Variants in RLIM observed in about 807,000 individuals in gnomAD.
RLIM encodes the protein E3 ubiquitin-protein ligase RLIM.
A neutral mutation model predicts 34.0 loss-of-function variants in RLIM; 2 were observed. The observed-to-expected ratio is 0.06, with a 90% CI of 0.02 to 0.19. The LOEUF (loss-of-function observed/expected upper bound fraction) is 0.19, where lower values mean the gene tolerates loss of function less well. Among genes scored for constraint, RLIM ranks in the 10% least tolerant of loss-of-function variants. The probability of loss-of-function intolerance (pLI) is 1.00; values close to 1 mark genes in which losing one functional copy is unlikely to be tolerated. For missense variants in RLIM, 286 were observed against 479.7 expected, an observed-to-expected ratio of 0.60 and a Z score of 3.77; for synonymous variants, 169 against 164.0, an observed-to-expected ratio of 1.03 and a Z score of -0.23.
At chrX:74,605,235 A>G (rs1173280889) in intron 1 of RLIM, among the ~76,000 whole-genome samples, 1 of 112,436 alleles carries the variant, frequency 8.9e-6, no homozygotes, top group African/African-American at 3.2e-5. Flanking sequence ...TCTTATTTTA[A>G]GCAGACCTTC....
chrX:74,590,678 A>G lies in RLIM; in HGVS notation c.*762T>C, dbSNP rs762957960. The G allele has an allele frequency of 7.1e-5, 8 of 113,037 alleles. No homozygotes were observed. In the Admixed American group the frequency reaches 7.5e-4, roughly 11 times the overall value. 9.3% of individuals were successfully genotyped at this position (113,037 alleles called of 1,213,427 possible). ...CAGTTTTCTCAGTTCTAAGCATGGT[A>G]CTTTACAATTTTTAATGCATTCATA... On this transcript the variant is annotated 3_prime_UTR_variant, in exon 4 of 4. Transcript: ENST00000332687.
intron 1 of RLIM, among the ~76,000 whole-genome samples, chrX:74,602,746 A>G (rs1442677368): frequency 9.0e-6 from 1 of 110,895 alleles, no homozygotes; most frequent in East Asian, 2.8e-4. Context: ...AGCAGACTAC[A>G]TGTAGAGTAA....
At chrX:74,606,770 A>C (rs1300225889) in intron 1 of RLIM, among the ~76,000 whole-genome samples, 2 of 111,753 alleles carry the variant, frequency 1.8e-5, no homozygotes, top group African/African-American at 6.5e-5. Context: ...CAGACCTTAC[A>C]AAACTAAATT....
chrX:74,591,773 A>G lies in RLIM; in HGVS notation c.1542T>C (p.His514=). ...TTTCATCAAATGTGACTGGGGCCCT[A>G]TGTCGACCCTCTCGCCTGGCACCTG... ...GSSGARREGR[H]RAPVTFDESG... Residue 514 remains histidine (H), a synonymous_variant, in exon 4 of 4, where the codon CAT becomes CAC. Coordinates refer to ENST00000332687, the MANE Select transcript of RLIM (RefSeq NM_016120.4). 1 of 1,211,578 alleles carries G rather than the reference A, an allele frequency of 8.3e-7. No homozygotes were observed. Among genetic ancestry groups the G allele is most frequent in the Non-Finnish European group, 1.1e-6 (1 of 895,470 alleles).
chrX:74,610,438 C>T (rs1219717452), intron 1 of RLIM, among the ~76,000 whole-genome samples: 1 of 94,526 alleles, frequency 1.1e-5, no homozygotes, highest in Non-Finnish European at 2.1e-5. Flanking sequence ...AAAAAACAAA[C>T]AAACAAACAA....
intron 1 of RLIM, among the ~76,000 whole-genome samples, chrX:74,604,223 T>C (rs1346804806): frequency 8.9e-6 from 1 of 111,840 alleles, no homozygotes; most frequent in Non-Finnish European, 1.9e-5. Context: ...TATCACAAGT[T>C]GGATGCTAAA....
In RLIM at chrX:74,583,547, C is replaced by A; in HGVS notation, c.*7893G>T. ...GACCCATTGTCTGTGTTGATGAATTCACCAAATTTTTATTCCAGTCTATTT... is the reference window on the plus strand; with the variant it reads ...GACCCATTGTCTGTGTTGATGAATTAACCAAATTTTTATTCCAGTCTATTT... On this transcript the variant is annotated 3_prime_UTR_variant, in exon 4 of 4. Transcript: ENST00000332687. The A allele has an allele frequency of 2.2e-5, 11 of 504,401 alleles. No homozygotes were observed. The highest frequency in any genetic ancestry group is 5.9e-5 in the Admixed American group (2 of 33,664). 41.6% of individuals were successfully genotyped at this position (504,401 alleles called of 1,213,427 possible).
chrX:74,591,590 T>G lies in RLIM; in HGVS notation c.1725A>C (p.Thr575=). 8.2e-7 allele frequency: 1 copy of G among 1,212,215 alleles called. No individual in the cohort carries two copies. The highest frequency in any genetic ancestry group is 1.1e-6 in the Non-Finnish European group (1 of 895,642). Residue 575 remains threonine, a synonymous_variant, in exon 4 of 4, where the codon ACA becomes ACC. Coordinates refer to ENST00000332687, the MANE Select transcript of RLIM (RefSeq NM_016120.4). The part of the protein sequence containing the change: ...DALKTCSVCI[T]EYTEGNKLRK... Reference sequence around the variant, plus strand: ...GAAGTTTGTTGCCTTCTGTATATTCTGTAATGCAAACACTACAGGTTTTTA... The same window carrying G: ...GAAGTTTGTTGCCTTCTGTATATTCGGTAATGCAAACACTACAGGTTTTTA...
chrX:74,586,367 T>C lies in RLIM; in HGVS notation c.*5073A>G, dbSNP rs1376103981. The C allele has an allele frequency of 8.9e-6, 1 of 112,191 alleles. No individual in the cohort carries two copies. The highest frequency in any genetic ancestry group is 3.2e-5 in the African/African-American group (1 of 30,860). 9.2% of individuals were successfully genotyped at this position (112,191 alleles called of 1,213,427 possible). On this transcript the variant is annotated 3_prime_UTR_variant, in exon 4 of 4. Transcript: ENST00000332687. ...GAACCTTGAAAGAGGCACCATGATA[T>C]GACAGGGTTCACTTTCACTGCATGT...
chrX:74,593,041 C>G lies in RLIM; in HGVS notation c.274G>C (p.Val92Leu). ...TCTATTATAGAGTCACCATTAGACA[C>G]ATCATCTGAAGAGTCTCCTCCTGTT... ...ENRGGDSSDD[V>L]SNGDSIIDWL... Residue 92 changes from valine to leucine, a missense_variant, in exon 4 of 4, where the codon GTG (valine) becomes CTG (leucine). Physicochemically the swap from Val to Leu is conservative, Grantham distance 32. Transcript: ENST00000332687. The G allele has an allele frequency of 8.3e-7, 1 of 1,206,018 alleles. No homozygotes were observed. The highest frequency in any genetic ancestry group is 1.1e-6 in the Non-Finnish European group (1 of 891,611).
rs1434402344 is a variant in RLIM, at chrX:74,590,677, T to C, written c.*763A>G. Reference sequence around the variant, plus strand: ...GCAGTTTTCTCAGTTCTAAGCATGGTACTTTACAATTTTTAATGCATTCAT... The same window carrying C: ...GCAGTTTTCTCAGTTCTAAGCATGGCACTTTACAATTTTTAATGCATTCAT... On this transcript the variant is annotated 3_prime_UTR_variant, in exon 4 of 4. Transcript: ENST00000332687. 1 of 113,029 alleles carries C rather than the reference T, an allele frequency of 8.8e-6. No individual in the cohort carries two copies. The highest frequency in any genetic ancestry group is 1.9e-5 in the Non-Finnish European group (1 of 53,391). The allele number at this position is 113,029 out of a possible 1,213,427, so 9.3% of individuals were successfully genotyped here.
intron 1 of RLIM, among the ~76,000 whole-genome samples, chrX:74,599,851 A>G (rs2079654066): frequency 9.0e-6 from 1 of 111,541 alleles, no homozygotes; most frequent in African/African-American, 3.3e-5. Context: ...ACTATGACTT[A>G]ATCCCACATA....
intron 1 of RLIM, 136 bp from the exon 2 acceptor site, chrX:74,596,136 TC>T: frequency 2.5e-6 from 1 of 396,168 alleles, no homozygotes; most frequent in Non-Finnish European, 4.2e-6. Flanking sequence ...TAACAAAAAC[TC>T]CTGAAAAGCA....
chrX:74,601,052 G>A (rs2079659245), intron 1 of RLIM, among the ~76,000 whole-genome samples: 1 of 109,854 alleles, frequency 9.1e-6, no homozygotes, highest in Non-Finnish European at 1.9e-5. Context: ...TATCAGGGAG[G>A]TAAAAGCCCA....
In RLIM at chrX:74,583,287, T is replaced by C. The variant is rs745755562; in HGVS notation, c.*8153A>G. Reference sequence around the variant, plus strand: ...ACCGGCAAGAGTAGGGTGCATGGCTTGAATAAGAGGAAACAGCCATTCACC... The same window carrying C: ...ACCGGCAAGAGTAGGGTGCATGGCTCGAATAAGAGGAAACAGCCATTCACC... On this transcript the variant is annotated 3_prime_UTR_variant, in exon 4 of 4. Transcript: ENST00000332687. The C allele has an allele frequency of 2.0e-6, 2 of 1,015,827 alleles. No individual in the cohort carries two copies. Among genetic ancestry groups the C allele is most frequent in the Admixed American group, 4.4e-5 (2 of 45,847 alleles). The allele number at this position is 1,015,827 out of a possible 1,213,427, so 83.7% of individuals were successfully genotyped here. A position where few individuals can be genotyped will look rare whatever the true frequency, so the allele number is the denominator to read the frequency against.
chrX:74,611,775 C>T (rs1224169098), intron 1 of RLIM, among the ~76,000 whole-genome samples: 1 of 112,198 alleles, frequency 8.9e-6, no homozygotes, highest in Non-Finnish European at 1.9e-5. Flanking sequence ...ATGAGGGCTC[C>T]ACCACTTAAA....
intron 1 of RLIM, among the ~76,000 whole-genome samples, chrX:74,610,942 AAG>A (rs1016279269): frequency 1.8e-5 from 2 of 111,797 alleles, no homozygotes; most frequent in African/African-American, 6.5e-5. Flanking sequence ...AATTGATAAA[AAG>A]AGAAATGAAT....
In RLIM at chrX:74,590,499, G is replaced by A. The variant is rs1396468287; in HGVS notation, c.*941C>T. 10 of 112,315 alleles carry A rather than the reference G, an allele frequency of 8.9e-5. No homozygotes were observed. Among genetic ancestry groups the A allele is most frequent in the Non-Finnish European group, 1.3e-4 (7 of 53,193 alleles). The allele number at this position is 112,315 out of a possible 1,213,427, so 9.3% of individuals were successfully genotyped here. On this transcript the variant is annotated 3_prime_UTR_variant, in exon 4 of 4. Coordinates refer to ENST00000332687, the MANE Select transcript of RLIM (RefSeq NM_016120.4). The stretch of plus-strand genomic sequence containing the variant: ...TACAATTTCCACTGGTCTTCAACAC[G>A]GTTTAATTCTGCACTGTCCTTTCCT...
In RLIM at chrX:74,602,262, G is replaced by A. The variant is rs2070200524; in HGVS notation, c.-23-6262C>T. ...CCCATAGTAAAAGTACACAGTCGGG[G>A]AAGAACCTGTCTTGGCAATTCACAT... On this transcript the variant is annotated intron_variant, in intron 1 of 3. Coordinates refer to ENST00000332687, the MANE Select transcript of RLIM (RefSeq NM_016120.4). Among the ~76,000 whole-genome samples the A allele has an allele frequency of 2.7e-5, 3 of 111,679 alleles. No homozygotes were observed. In the Admixed American group the frequency reaches 2.9e-4, roughly 11 times the overall value.
Sources: gnomAD v4.1 joint callset for allele counts (sites outside exome capture counted in the v4.1 genomes callset) on GRCh38, gnomAD v4.1.1 for gene constraint, MANE v1.5 for transcripts, NCBI Gene and HGNC (gene_info 2026-07-23, HGNC 2026-07-21) for gene names.